SLC13A3: variants seen among roughly 807,000 people sequenced by gnomAD.
SLC13A3 encodes the protein solute carrier family 13 member 3, also known as Na(+)/dicarboxylate cotransporter 3.
In SLC13A3, 40 loss-of-function variants were observed where a neutral mutation model predicts 59.0. That is an observed-to-expected ratio of 0.68 (90% CI 0.53 to 0.88). SLC13A3 has a LOEUF of 0.88. Among genes scored for constraint, SLC13A3 ranks in the 40% least tolerant of loss-of-function variants. The pLI is 0.00. For synonymous variants in SLC13A3, 317 were observed against 330.3 expected (o/e 0.96, Z 0.44); for missense variants, 699 against 783.2 (o/e 0.89, Z 1.28).
At chr20:46,676,322 A>G (rs896639182) in intron 1 of SLC13A3, among the ~76,000 whole-genome samples, 7 of 151,954 alleles carry the variant, frequency 4.6e-5, no homozygotes, top group Non-Finnish European at 1.0e-4. Context: ...ATCAAGCTCA[A>G]GAAATAGAAC....
intron 1 of SLC13A3, among the ~76,000 whole-genome samples, chr20:46,641,770 G>C (rs1469121273): frequency 6.6e-6 from 1 of 152,152 alleles, no homozygotes; most frequent in Admixed American, 6.5e-5. Context: ...ACCCTGGAGG[G>C]ACTGCCCCTT....
At chr20:46,571,016 A>C (rs765798221) in intron 10 of SLC13A3, among the ~76,000 whole-genome samples, 3 of 152,226 alleles carry the variant, frequency 2.0e-5, no homozygotes, top group African/African-American at 4.8e-5. Flanking sequence ...GGAAACTTAC[A>C]ATCATGGTGG....
intron 9 of SLC13A3, among the ~76,000 whole-genome samples, chr20:46,580,546 TACAA>T (rs1238910174): frequency 5.9e-5 from 9 of 151,876 alleles, no homozygotes; most frequent in Admixed American, 5.2e-4. Context: ...GCAGTTGAGT[TACAA>T]ACTCAATTGT....
chr20:46,676,411 CTTTTTTT>C (rs543970617), intron 1 of SLC13A3, among the ~76,000 whole-genome samples: 5 of 108,484 alleles, frequency 4.6e-5, no homozygotes, highest in Non-Finnish European at 9.1e-5. Context: ...TCTCTCAACT[CTTTTTTT>C]TTTTTTTTTT....
At chr20:46,585,706 T>C in intron 8 of SLC13A3, 1 of 1,299,282 alleles carries the variant, frequency 7.7e-7, no homozygotes, top group Non-Finnish European at 1.0e-6. Flanking sequence ...CTTCACATTT[T>C]CTGTATTGTT....
intron 1 of SLC13A3, among the ~76,000 whole-genome samples, chr20:46,661,108 G>T (rs939749609): frequency 2.0e-5 from 3 of 152,096 alleles, no homozygotes; most frequent in Non-Finnish European, 1.5e-5. Context: ...GGCCAAATCT[G>T]AATCTGCTTC....
intron 1 of SLC13A3, among the ~76,000 whole-genome samples, chr20:46,622,080 C>T (rs2062621116): frequency 6.6e-6 from 1 of 152,214 alleles, no homozygotes; most frequent in South Asian, 2.1e-4. Flanking sequence ...AGAAGACGGA[C>T]CCCATTGCTT....
intron 1 of SLC13A3, among the ~76,000 whole-genome samples, chr20:46,621,835 T>C (rs550149745): frequency 2.0e-4 from 31 of 152,378 alleles, no homozygotes; most frequent in African/African-American, 7.5e-4. Context: ...AAATTCATAA[T>C]TGGTACACTG....
chr20:46,680,366 G>A (rs1375940294), intron 1 of SLC13A3, among the ~76,000 whole-genome samples: 1 of 152,196 alleles, frequency 6.6e-6, no homozygotes, highest in Non-Finnish European at 1.5e-5. Flanking sequence ...ATTGCTCATT[G>A]TCACCATGTG....
At position 46,566,130 on chromosome 20, in the gene SLC13A3, T is replaced by C; in HGVS notation, c.1494+99A>G. ...GTTCATGTATTTTGGAAGACAGCAATGGCAACTGTGGCCCCCAGTGAAGGT... is the reference window on the plus strand; with the variant it reads ...GTTCATGTATTTTGGAAGACAGCAACGGCAACTGTGGCCCCCAGTGAAGGT... On this transcript the variant is annotated intron_variant, in intron 11 of 12. Coordinates refer to ENST00000279027, the MANE Select transcript of SLC13A3 (RefSeq NM_022829.6). 1.6e-5 allele frequency: 15 copies of C among 947,240 alleles called. No homozygotes were observed. In the South Asian group the frequency reaches 1.9e-4, roughly 12 times the overall value. 58.7% of individuals were successfully genotyped at this position (947,240 alleles called of 1,614,324 possible). A position where few individuals can be genotyped will look rare whatever the true frequency, so the allele number is the denominator to read the frequency against.
At chr20:46,641,927 G>A (rs1449686862) in intron 1 of SLC13A3, among the ~76,000 whole-genome samples, 1 of 152,122 alleles carries the variant, frequency 6.6e-6, no homozygotes, top group East Asian at 1.9e-4. Context: ...TCACCCCAGA[G>A]CCAGGTACAA....
intron 10 of SLC13A3, 93 bp from the exon 11 acceptor site, chr20:46,566,483 T>C (rs1377690347): frequency 1.4e-6 from 2 of 1,402,884 alleles, no homozygotes; most frequent in South Asian, 1.4e-5. Flanking sequence ...ATGACGACCA[T>C]ACCCCTTCCC....
Position 46,610,473 on chromosome 20 carries a change from G to T in SLC13A3, c.514C>A (p.Pro172Thr). 6.2e-7 allele frequency: 1 copy of T among 1,613,860 alleles called. No homozygotes were observed. Among genetic ancestry groups the T allele is most frequent in the Non-Finnish European group, 8.5e-7 (1 of 1,179,920 alleles). ...GTGTTCTCTTCACTCTCCTGGCTGGGGTCCTTTCGAACCTCCTTCTGGCCA... is the reference window on the plus strand; with the variant it reads ...GTGTTCTCTTCACTCTCCTGGCTGGTGTCCTTTCGAACCTCCTTCTGGCCA... ...LFGQKEVRKD[P>T]SQESEENTAA... The change falls in exon 3 of 13, where the codon CCC becomes ACC. Residue 172 changes from proline (P) to threonine (T), a missense_variant. Transcript: ENST00000279027.
At chr20:46,600,678 A>G in intron 3 of SLC13A3, 1 of 403,266 alleles carries the variant, frequency 2.5e-6, no homozygotes, top group Non-Finnish European at 5.3e-6. Flanking sequence ...CCATTCATTC[A>G]TTCATCCAAA....
intron 1 of SLC13A3, among the ~76,000 whole-genome samples, chr20:46,649,289 T>C (rs1280797998): frequency 1.3e-5 from 2 of 152,152 alleles, no homozygotes; most frequent in African/African-American, 4.8e-5. Flanking sequence ...GGAGTTCAGA[T>C]AGGAAGAGGA....
At chr20:46,683,578 C>T (rs1053416418) in intron 1 of SLC13A3, among the ~76,000 whole-genome samples, 4 of 152,230 alleles carry the variant, frequency 2.6e-5, no homozygotes, top group Non-Finnish European at 4.4e-5. Flanking sequence ...CTCACCAGCT[C>T]ATCTATAAAA....
chr20:46,657,897 C>T (rs1449305849), intron 1 of SLC13A3, among the ~76,000 whole-genome samples: 6 of 152,100 alleles, frequency 3.9e-5, no homozygotes, highest in Admixed American at 2.0e-4. Context: ...AAGGACAGCA[C>T]GGATCCAACC....
chr20:46,614,527 G>C (rs1238532916), intron 1 of SLC13A3, among the ~76,000 whole-genome samples: 1 of 152,192 alleles, frequency 6.6e-6, no homozygotes, highest in Non-Finnish European at 1.5e-5. Flanking sequence ...GTGTGGAGTT[G>C]GGACAGGGAG....
intron 9 of SLC13A3, among the ~76,000 whole-genome samples, chr20:46,579,968 C>A (rs1321634620): frequency 1.3e-5 from 2 of 151,490 alleles, no homozygotes; most frequent in Non-Finnish European, 2.9e-5. Context: ...GCACTCATCA[C>A]TACTTTTTTT....
Sources: gnomAD v4.1 joint callset for allele counts (sites outside exome capture counted in the v4.1 genomes callset) on GRCh38, gnomAD v4.1.1 for gene constraint, MANE v1.5 for transcripts, NCBI Gene and HGNC (gene_info 2026-07-23, HGNC 2026-07-21) for gene names.